Variants in XIRP2 observed in about 807,000 individuals in gnomAD.
XIRP2 encodes xin actin-binding repeat-containing protein 2.
A neutral mutation model predicts 277.0 loss-of-function variants in XIRP2; 236 were observed. The observed-to-expected ratio is 0.85, with a 90% CI of 0.77 to 0.95. The LOEUF is 0.95. Ranked by LOEUF, XIRP2 falls within the 40% of genes least tolerant of loss-of-function variation. The pLI is 0.00. For synonymous variants in XIRP2, 1,490 were observed against 1,416.5 expected (o/e 1.05, Z -1.17); for missense variants, 4,640 against 4,157.5 (o/e 1.12, Z -3.19).
chr2:167,227,814 A>T (rs984145100), intron 5 of XIRP2, among the ~76,000 whole-genome samples: 1 of 152,126 alleles, frequency 6.6e-6, no homozygotes, highest in African/African-American at 2.4e-5. Context: ...AAATAAAGGA[A>T]TTTTTTTAAT....
At chr2:167,103,098 C>T (rs1008988586) in intron 2 of XIRP2, among the ~76,000 whole-genome samples, 4 of 151,982 alleles carry the variant, frequency 2.6e-5, no homozygotes, top group Non-Finnish European at 5.9e-5. Flanking sequence ...CAGATCGCGC[C>T]ACTACACTCC....
At chr2:166,933,279 G>A (rs1685400654) in intron 2 of XIRP2, among the ~76,000 whole-genome samples, 1 of 151,488 alleles carries the variant, frequency 6.6e-6, no homozygotes, top group African/African-American at 2.4e-5. Flanking sequence ...CTCCCGAGTA[G>A]CTGGGACTAC....
At chr2:166,908,377 A>G (rs2105342236) in intron 2 of XIRP2, among the ~76,000 whole-genome samples, 1 of 152,168 alleles carries the variant, frequency 6.6e-6, no homozygotes, top group Admixed American at 6.5e-5. Flanking sequence ...GATGATGAGC[A>G]TTTTTTCATG....
chr2:167,105,626 C>A (rs1396003817), intron 2 of XIRP2, among the ~76,000 whole-genome samples: 1 of 151,796 alleles, frequency 6.6e-6, no homozygotes, highest in Non-Finnish European at 1.5e-5. Flanking sequence ...AATATTCATA[C>A]ACAGGTTCTT....
rs1437945353 is a variant in XIRP2, at chr2:167,219,052, T to A, written c.858+752T>A. Among the ~76,000 whole-genome samples, 6 of 143,932 alleles carry A rather than the reference T, an allele frequency of 4.2e-5. No homozygotes were observed. In the East Asian group the frequency reaches 1.2e-3, roughly 28 times the overall value. The allele number at this position is 143,932 out of a possible 152,430, so 94.4% of individuals were successfully genotyped here. A position where few individuals can be genotyped will look rare whatever the true frequency, so the allele number is the denominator to read the frequency against. On this transcript the variant is annotated intron_variant, in intron 5 of 10. Coordinates refer to ENST00000409195, the MANE Select transcript of XIRP2 (RefSeq NM_152381.6). ...TGTAGTGAGAAATGAAGTGGATGTA[T>A]TTTTTTTTAATCCCCGGGACATATA... is the stretch of plus-strand genomic sequence containing the variant.
chr2:167,248,226 T>G lies in XIRP2; in HGVS notation c.6834T>G (p.Pro2278=). 6.2e-7 allele frequency: 1 copy of G among 1,613,698 alleles called. No homozygotes were observed. Among genetic ancestry groups the G allele is most frequent in the Non-Finnish European group, 8.5e-7 (1 of 1,179,764 alleles). ...CCTTGAATCCAATCAACTTTAACCC[T>G]GAGAATAATGTAAAAGAAAGTGAGT... ...ERSLNPINFN[P]ENNVKESECP... is the part of the protein sequence containing the mutation. Residue 2278 remains proline (P), a synonymous_variant, in exon 9 of 11, where the codon CCT becomes CCG. Coordinates refer to ENST00000409195, the MANE Select transcript of XIRP2 (RefSeq NM_152381.6).
At chr2:167,140,788 ATTGATC>A (rs778025235) in intron 3 of XIRP2, 12 of 152,300 alleles carry the variant, frequency 7.9e-5, no homozygotes, top group Non-Finnish European at 1.3e-4. Context: ...ATCATCTCTA[ATTGATC>A]TGCTTACCCA....
intron 2 of XIRP2, among the ~76,000 whole-genome samples, chr2:167,048,870 C>T (rs566607240): frequency 6.6e-6 from 1 of 152,000 alleles, no homozygotes; most frequent in East Asian, 1.9e-4. Flanking sequence ...AGTCTCATTT[C>T]TGTTTATCTT....
chr2:167,030,985 C>G (rs1269744332), intron 2 of XIRP2, among the ~76,000 whole-genome samples: 1 of 148,328 alleles, frequency 6.7e-6, no homozygotes, highest in Non-Finnish European at 1.5e-5. Flanking sequence ...GGTTTCAAGT[C>G]TGTTTTATCA....
intron 1 of XIRP2, among the ~76,000 whole-genome samples, chr2:166,889,051 C>T (rs1185773534): frequency 6.6e-6 from 1 of 152,222 alleles, no homozygotes; most frequent in Non-Finnish European, 1.5e-5. Context: ...GGGCATGAGC[C>T]TGCAGCTGAC....
chr2:167,210,910 AT>A lies in XIRP2; in HGVS notation c.723+16del, dbSNP rs1031144001. 6.2e-7 allele frequency: 1 copy of A among 1,613,572 alleles called. No homozygotes were observed. Among genetic ancestry groups the A allele is most frequent in the Non-Finnish European group, 8.5e-7 (1 of 1,179,774 alleles). On this transcript the variant is annotated intron_variant, in intron 4 of 10. Coordinates refer to ENST00000409195, the MANE Select transcript of XIRP2 (RefSeq NM_152381.6). ...TCTCTGCTAATGTAAGCTGCTCCTA[AT>A]GGTTTTGCACTAGGCAATGTGCTTA...
intron 3 of XIRP2, among the ~76,000 whole-genome samples, chr2:167,144,590 T>A (rs1691813648): frequency 6.6e-6 from 1 of 152,140 alleles, no homozygotes; most frequent in Non-Finnish European, 1.5e-5. Flanking sequence ...AGTTTCTGAC[T>A]TATTATGAGA....
rs1695727371 is a variant in XIRP2 at position 167,258,400 on chromosome 2, C to T, written c.*583C>T. 1 of 1,612,630 alleles carries T rather than the reference C, an allele frequency of 6.2e-7. No homozygotes were observed. Among genetic ancestry groups the T allele is most frequent in the East Asian group, 2.2e-5 (1 of 44,790 alleles). On this transcript the variant is annotated 3_prime_UTR_variant, in exon 11 of 11. Coordinates refer to ENST00000409195, the MANE Select transcript of XIRP2 (RefSeq NM_152381.6). Reference sequence around the variant, plus strand: ...GTCAGAAAGAGGATGTTATAGGAATCAAAGAAATGAAAATGCCTGAAGGAA... The same window carrying T: ...GTCAGAAAGAGGATGTTATAGGAATTAAAGAAATGAAAATGCCTGAAGGAA...
intron 5 of XIRP2, among the ~76,000 whole-genome samples, chr2:167,221,347 C>A (rs1025362677): frequency 6.6e-6 from 1 of 151,594 alleles, no homozygotes; most frequent in Non-Finnish European, 1.5e-5. Context: ...GCCTGTAATC[C>A]CAGCTACTGG....
intron 2 of XIRP2, among the ~76,000 whole-genome samples, chr2:166,943,792 T>C (rs1438680931): frequency 6.6e-6 from 1 of 152,234 alleles, no homozygotes; most frequent in Non-Finnish European, 1.5e-5. Flanking sequence ...TCACCAGTTG[T>C]TCCCCCAAGA....
At chr2:166,955,328 T>C (rs1356625786) in intron 2 of XIRP2, among the ~76,000 whole-genome samples, 1 of 151,864 alleles carries the variant, frequency 6.6e-6, no homozygotes, top group African/African-American at 2.4e-5. Flanking sequence ...CCACATATTG[T>C]ATAATTCCAT....
chr2:167,146,227 T>C (rs1351696548), intron 3 of XIRP2, among the ~76,000 whole-genome samples: 1 of 152,032 alleles, frequency 6.6e-6, no homozygotes, highest in Non-Finnish European at 1.5e-5. Flanking sequence ...GAACTGGGCA[T>C]AGTGGCTCAT....
intron 3 of XIRP2, among the ~76,000 whole-genome samples, chr2:167,189,348 C>T (rs77558882): frequency 2.6e-4 from 39 of 152,212 alleles, no homozygotes; most frequent in Non-Finnish European, 4.9e-4. Context: ...GGAGTCATGT[C>T]TAGATTTATT....
In XIRP2 at chr2:167,248,741, T is replaced by C. The variant is rs754935729; in HGVS notation, c.7349T>C (p.Leu2450Pro). The C allele has an allele frequency of 6.2e-7, 1 of 1,613,774 alleles. No individual in the cohort carries two copies. The highest frequency in any genetic ancestry group is 1.7e-5 in the Admixed American group (1 of 59,974). The change falls in exon 9 of 11, where the codon CTG (leucine) becomes CCG (proline). Residue 2450 changes from leucine (L) to proline (P), a missense_variant. Transcript: ENST00000409195. The part of the protein sequence containing the change: ...FSPKVELATS[L>P]SDMECKITTS... ...CCCAAAGTTGAACTGGCAACCTCCCTGTCAGATATGGAATGTAAAATTACT... is the reference window on the plus strand; with the variant it reads ...CCCAAAGTTGAACTGGCAACCTCCCCGTCAGATATGGAATGTAAAATTACT...
Sources: allele counts gnomAD v4.1 joint callset (sites outside exome capture counted in the v4.1 genomes callset), GRCh38; gene constraint gnomAD v4.1.1; transcripts MANE v1.5; gene names NCBI Gene and HGNC (gene_info 2026-07-23, HGNC 2026-07-21).